LRP2: variants seen among roughly 807,000 people sequenced by gnomAD.
LRP2 encodes the protein low-density lipoprotein receptor-related protein 2.
In LRP2, 172 loss-of-function variants were observed where a neutral mutation model predicts 531.0. That is an observed-to-expected ratio of 0.32 (90% CI 0.29 to 0.37). LRP2 has a LOEUF of 0.37. LRP2 is among the 10% of genes least tolerant of loss of function. The pLI is 1.00. For synonymous variants in LRP2, 1,992 were observed against 2,027.6 expected (o/e 0.98, Z 0.47); for missense variants, 5,167 against 5,868.3 (o/e 0.88, Z 3.90).
At chr2:169,138,377 G>A (rs1478238504) in intron 75 of LRP2, among the ~76,000 whole-genome samples, 200 bp downstream of exon 75, 2 of 152,142 alleles carry the variant, frequency 1.3e-5, no homozygotes, top group Admixed American at 1.3e-4. Context: ...TAGAGCAGGG[G>A]TAAATTCCAA....
Position 169,241,145 on chromosome 2 carries a change from G to A in LRP2, c.3888C>T (p.Cys1296=), listed in dbSNP as rs138030034. The change falls in exon 25 of 79, where the codon TGC becomes TGT. Residue 1296 remains cysteine (C), a synonymous_variant. Coordinates refer to ENST00000649046, the MANE Select transcript of LRP2 (RefSeq NM_004525.3). Reference sequence around the variant, plus strand: ...AGTCCTTCTCATCACTCATATCCCCGCAGTCATTGTCCCGATCACAGAGCC... The same window carrying A: ...AGTCCTTCTCATCACTCATATCCCCACAGTCATTGTCCCGATCACAGAGCC... ...RAWLCDRDND[C]GDMSDEKDCP... 97 of 1,614,100 alleles carry A rather than the reference G, an allele frequency of 6.0e-5. No homozygotes were observed. Among genetic ancestry groups the A allele is most frequent in the African/African-American group, 4.9e-4 (37 of 75,022 alleles).
rs1032153805 is a variant in LRP2 at position 169,237,111 on chromosome 2, G to T, written c.4683C>A (p.Pro1561=). 1 of 1,613,404 alleles carries T rather than the reference G, an allele frequency of 6.2e-7. No homozygotes were observed. Among genetic ancestry groups the T allele is most frequent in the Non-Finnish European group, 8.5e-7 (1 of 1,179,482 alleles). Residue 1561 remains proline, a synonymous_variant, in exon 28 of 79, where the codon CCC becomes CCA. Transcript: ENST00000649046. ...LTNPRGLALD[P]RMNEHLLFWS... is the part of the protein sequence containing the mutation. ...TTAAAAAAAAGTCTTACTTCATTCTGGGATCTAATGCTAGTCCTCTTGGAT... is the reference window on the plus strand; with the variant it reads ...TTAAAAAAAAGTCTTACTTCATTCTTGGATCTAATGCTAGTCCTCTTGGAT...
chr2:169,277,460 T>C (rs1683586603), intron 13 of LRP2, among the ~76,000 whole-genome samples: 1 of 152,082 alleles, frequency 6.6e-6, no homozygotes, highest in Non-Finnish European at 1.5e-5. Context: ...ATGAAAATAA[T>C]GTGCATCATG....
At chr2:169,318,195 A>G (rs1684817583) in intron 3 of LRP2, among the ~76,000 whole-genome samples, 1 of 152,154 alleles carries the variant, frequency 6.6e-6, no homozygotes. Flanking sequence ...CAGGTTACTG[A>G]ACCAAACCCC....
At chr2:169,212,333 G>A in intron 36 of LRP2, 126 bp from the exon 37 acceptor site, 1 of 1,212,682 alleles carries the variant, frequency 8.2e-7, no homozygotes, top group Non-Finnish European at 1.2e-6. Flanking sequence ...TAGTAGCTGA[G>A]TTAGCAATCT....
chr2:169,311,967 T>C (rs1447592830), intron 3 of LRP2, among the ~76,000 whole-genome samples: 1 of 152,178 alleles, frequency 6.6e-6, no homozygotes, highest in Non-Finnish European at 1.5e-5. Flanking sequence ...GCCTTCTTTG[T>C]CTCTTCTGAT....
chr2:169,132,150 G>T (rs1487666945), intron 77 of LRP2, among the ~76,000 whole-genome samples: 1 of 152,174 alleles, frequency 6.6e-6, no homozygotes, highest in Non-Finnish European at 1.5e-5. Flanking sequence ...TGTAATAGCA[G>T]GAGAGCGAAG....
At chr2:169,282,532 T>C (rs73971833) in intron 10 of LRP2, among the ~76,000 whole-genome samples, 2,887 of 152,324 alleles carry the variant, frequency 0.019, 45 homozygotes, top group African/African-American at 0.044. Flanking sequence ...TTGTGGTAGG[T>C]AATTAATTAA....
At chr2:169,212,973 A>G (rs1044414590) in intron 36 of LRP2, among the ~76,000 whole-genome samples, 2 of 144,864 alleles carry the variant, frequency 1.4e-5, no homozygotes, top group Non-Finnish European at 1.5e-5. Context: ...TTTCTATTGC[A>G]TGTGTTTCTT....
At chr2:169,307,505 G>A (rs1003323278) in intron 3 of LRP2, 108 bp from the exon 4 acceptor site, 24 of 737,080 alleles carry the variant, frequency 3.3e-5, no homozygotes, top group Non-Finnish European at 5.2e-5. Flanking sequence ...AGGGACACAA[G>A]GTAAAGTACC....
At chr2:169,212,253 C>T (rs747332410) in intron 36 of LRP2, 46 bp from the exon 37 acceptor site, 65 of 1,613,288 alleles carry the variant, frequency 4.0e-5, no homozygotes, top group Admixed American at 1.2e-4. Context: ...CCTAGCTACT[C>T]GCCACCCCAT....
chr2:169,250,960 C>T (rs1278124732), intron 19 of LRP2, among the ~76,000 whole-genome samples: 1 of 16,558 alleles, frequency 6.0e-5, no homozygotes, highest in African/African-American at 4.4e-4. Flanking sequence ...TATTTATGCA[C>T]CCAATACAGG....
chr2:169,294,427 T>C (rs1684082974), intron 5 of LRP2, among the ~76,000 whole-genome samples, 166 bp from the exon 6 acceptor site: 1 of 152,054 alleles, frequency 6.6e-6, no homozygotes, highest in African/African-American at 2.4e-5. Context: ...AAGGCCCTGG[T>C]TTGTAGTGTT....
chr2:169,219,272 T>C (rs1412252193), intron 34 of LRP2, among the ~76,000 whole-genome samples: 5 of 152,178 alleles, frequency 3.3e-5, no homozygotes, highest in African/African-American at 9.6e-5. Flanking sequence ...TTCAGTGCCC[T>C]TCTAGGCCTA....
intron 38 of LRP2, among the ~76,000 whole-genome samples, chr2:169,209,023 A>G (rs1288562368): frequency 6.6e-6 from 1 of 152,220 alleles, no homozygotes; most frequent in Admixed American, 6.5e-5. Flanking sequence ...TATGAATAAA[A>G]GGAAGCAATT....
Position 169,243,006 on chromosome 2 carries a change from C to T in LRP2, c.3617G>A (p.Arg1206His), listed in dbSNP as rs377534549. The change falls in exon 24 of 79, where the codon CGT (arginine) becomes CAT (histidine). Residue 1206 changes from arginine (R) to histidine (H), a missense_variant. By Grantham distance (29) the Arg-to-His change is conservative. Transcript: ENST00000649046. ...ACTGCAATCAAAAACACCATCACAA[C>T]GATTTGTGACGCCAATACATTTATC... Reference protein sequence around the residue: ...SGDKCIGVTNRCDGVFDCSDN... With the variant: ...SGDKCIGVTNHCDGVFDCSDN... 7 of 1,613,962 alleles carry T rather than the reference C, an allele frequency of 4.3e-6. No individual in the cohort carries two copies. The highest frequency in any genetic ancestry group is 1.3e-5 in the African/African-American group (1 of 74,914).
At position 169,206,182 on chromosome 2, in the gene LRP2, C is replaced by T. The variant is rs1399493643; in HGVS notation, c.7397G>A (p.Gly2466Glu). 1 of 1,614,116 alleles carries T rather than the reference C, an allele frequency of 6.2e-7. No individual in the cohort carries two copies. The highest frequency in any genetic ancestry group is 8.5e-7 in the Non-Finnish European group (1 of 1,180,024). Reference sequence around the variant, plus strand: ...GTCAAAGGCAATGCCATCAGCAGTCCCTATACCTGGACACATACAGGCAGA... The same window carrying T: ...GTCAAAGGCAATGCCATCAGCAGTCTCTATACCTGGACACATACAGGCAGA... The part of the protein sequence containing the change: ...HTPTVIASGI[G>E]TADGIAFDWI... Residue 2466 changes from glycine (G) to glutamate (E), a missense_variant, in exon 40 of 79, where the codon GGG becomes GAG. Coordinates refer to ENST00000649046, the MANE Select transcript of LRP2 (RefSeq NM_004525.3).
rs74839579 is a variant in LRP2 at position 169,132,436 on chromosome 2, T to A, written c.13728+138A>T. On this transcript the variant is annotated intron_variant, in intron 77 of 78. Transcript: ENST00000649046. ...TTCAATCTATGACTTTTTAAAAAAT[T>A]ATATTTATTAACTGTCAACACATCT... The A allele has an allele frequency of 0.051, 32,610 of 642,178 alleles. 960 individuals carry two copies. The highest frequency in any genetic ancestry group is 0.066 in the South Asian group (3,713 of 56,546). 39.8% of individuals were successfully genotyped at this position (642,178 alleles called of 1,614,324 possible).
intron 66 of LRP2, 62 bp from the exon 67 acceptor site, chr2:169,153,026 G>A: frequency 6.9e-7 from 1 of 1,457,696 alleles, no homozygotes; most frequent in African/African-American, 1.4e-5. Flanking sequence ...GAAGAACAGG[G>A]GTCTAATCAG....
Sources: gnomAD v4.1 joint callset for allele counts (sites outside exome capture counted in the v4.1 genomes callset) on GRCh38, gnomAD v4.1.1 for gene constraint, MANE v1.5 for transcripts, NCBI Gene and HGNC (gene_info 2026-07-23, HGNC 2026-07-21) for gene names.